Variants in THADA observed in about 807,000 individuals in gnomAD.
THADA encodes the protein tRNA (32-2'-O)-methyltransferase regulator THADA.
THADA carries 213 observed loss-of-function variants against 219.8 expected under a neutral mutation model. The ratio of observed to expected loss-of-function variants is 0.97; its 90% CI spans 0.87 to 1.09. The LOEUF (loss-of-function observed/expected upper bound fraction) is 1.09, where lower values mean the gene tolerates loss of function less well. THADA is among the 50% of genes least tolerant of loss of function. The pLI, the probability that THADA is intolerant of heterozygous loss-of-function variation, is 0.00. For missense variants in THADA, 2,956 were observed against 2,311.3 expected (o/e 1.28, Z -5.72); for synonymous variants, 1,018 against 828.9 (o/e 1.23, Z -3.92).
chr2:43,562,647 C>G (rs6738189), intron 15 of THADA: 52,699 of 152,014 alleles, frequency 0.35, 9,468 homozygotes, highest in African/African-American at 0.42. Flanking sequence ...GAAAGAGTCT[C>G]AGAAGGACTG....
At chr2:43,258,250 C>A (rs1443792128) in intron 36 of THADA, among the ~76,000 whole-genome samples, 1 of 152,156 alleles carries the variant, frequency 6.6e-6, no homozygotes, top group Admixed American at 6.5e-5. Context: ...TGGCCAGGTG[C>A]GGTGGCTCAT....
chr2:43,273,969 C>T (rs1672431076), intron 36 of THADA, among the ~76,000 whole-genome samples: 1 of 152,108 alleles, frequency 6.6e-6, no homozygotes, highest in Non-Finnish European at 1.5e-5. Flanking sequence ...GACTCAACCT[C>T]ACAATGCCAC....
chr2:43,292,030 T>G, intron 33 of THADA, 74 bp downstream of exon 33: 1 of 1,033,184 alleles, frequency 9.7e-7, no homozygotes, highest in Non-Finnish European at 1.4e-6. Context: ...CAGGATTGTG[T>G]GCAAGTTCAT....
intron 20 of THADA, among the ~76,000 whole-genome samples, chr2:43,541,571 T>C (rs1558938656): frequency 1.3e-5 from 2 of 152,040 alleles, no homozygotes; most frequent in Admixed American, 6.6e-5. Flanking sequence ...TGCAGTAGCA[T>C]GCTCATGGCT....
chr2:43,466,252 T>C (rs990741176), intron 26 of THADA, among the ~76,000 whole-genome samples: 2 of 152,220 alleles, frequency 1.3e-5, no homozygotes, highest in Non-Finnish European at 2.9e-5. Flanking sequence ...TCATAATGCA[T>C]AGCAGCATAT....
chr2:43,236,213 T>C (rs1204760114), intron 36 of THADA, among the ~76,000 whole-genome samples: 1 of 152,184 alleles, frequency 6.6e-6, no homozygotes, highest in African/African-American at 2.4e-5. Flanking sequence ...GAAGTGGGTC[T>C]AGATAGAACT....
chr2:43,339,962 TA>T (rs1001451935), intron 30 of THADA, among the ~76,000 whole-genome samples: 30 of 149,350 alleles, frequency 2.0e-4, no homozygotes, highest in Middle Eastern at 3.4e-3. Context: ...ATAAAAAACT[TA>T]AAAAAAAAAG....
chr2:43,549,557 A>G (rs1410008216), intron 19 of THADA, among the ~76,000 whole-genome samples, 189 bp from the exon 20 acceptor site: 1 of 152,230 alleles, frequency 6.6e-6, no homozygotes, highest in East Asian at 1.9e-4. Context: ...GCATTTTTAA[A>G]ATATGGCAAT....
Position 43,318,049 on chromosome 2 carries a change from A to T in THADA, c.4438+2397T>A, listed in dbSNP as rs561900168. Among the ~76,000 whole-genome samples the T allele has an allele frequency of 1.2e-3, 179 of 151,064 alleles. 1 individual carries two copies. Among genetic ancestry groups the T allele is most frequent in the Middle Eastern group, 3.4e-3 (1 of 294 alleles). The stretch of plus-strand genomic sequence containing the variant: ...GCCATATTTTATTTTATTTTATTTT[A>T]TTTTTTTTGAGACAGGGTATCGCTC... On this transcript the variant is annotated intron_variant, in intron 31 of 37. Transcript: ENST00000405975.
chr2:43,453,545 A>C (rs1326404721), intron 26 of THADA, among the ~76,000 whole-genome samples: 1 of 152,210 alleles, frequency 6.6e-6, no homozygotes, highest in Non-Finnish European at 1.5e-5. Context: ...TGGCAGCAGT[A>C]AGTAGGTTGG....
intron 30 of THADA, among the ~76,000 whole-genome samples, chr2:43,339,937 A>T (rs1666891366): frequency 6.6e-6 from 1 of 152,056 alleles, no homozygotes; most frequent in South Asian, 2.1e-4. Context: ...CTAAAACTAA[A>T]AAATAAATAA....
intron 31 of THADA, among the ~76,000 whole-genome samples, chr2:43,306,244 T>G (rs1676848759): frequency 6.6e-6 from 1 of 152,122 alleles, no homozygotes; most frequent in Admixed American, 6.6e-5. Flanking sequence ...ACTCCTGGGC[T>G]CAAGCAATTT....
At chr2:43,485,176 G>C in intron 26 of THADA, 58 bp downstream of exon 26, 1 of 1,359,594 alleles carries the variant, frequency 7.4e-7, no homozygotes, top group South Asian at 1.2e-5. Context: ...ATTTGTTTTT[G>C]GCCAGGACAA....
At chr2:43,583,852 G>C (rs770169444) in intron 7 of THADA, among the ~76,000 whole-genome samples, 2 of 152,002 alleles carry the variant, frequency 1.3e-5, no homozygotes, top group African/African-American at 4.8e-5. Context: ...AAACCAGCCA[G>C]GGCAACACGG....
intron 28 of THADA, among the ~76,000 whole-genome samples, chr2:43,416,512 C>G (rs186974384): frequency 6.6e-6 from 1 of 152,094 alleles, no homozygotes; most frequent in Non-Finnish European, 1.5e-5. Context: ...TGTGATTATT[C>G]AGACTGAGGC....
intron 36 of THADA, among the ~76,000 whole-genome samples, chr2:43,276,832 G>T (rs773803742): frequency 1.3e-5 from 2 of 152,094 alleles, no homozygotes; most frequent in Non-Finnish European, 2.9e-5. Context: ...GAATGCCACA[G>T]TCTGACTTCT....
chr2:43,260,492 C>A (rs1670813979), intron 36 of THADA, among the ~76,000 whole-genome samples: 1 of 152,100 alleles, frequency 6.6e-6, no homozygotes, highest in African/African-American at 2.4e-5. Flanking sequence ...TGAAGTCCCA[C>A]CTACTTGGGA....
chr2:43,481,576 T>C (rs897372404), intron 26 of THADA, among the ~76,000 whole-genome samples: 2 of 152,246 alleles, frequency 1.3e-5, no homozygotes, highest in African/African-American at 4.8e-5. Flanking sequence ...ATTTCTAATG[T>C]GTTCATCACT....
intron 36 of THADA, among the ~76,000 whole-genome samples, chr2:43,238,118 CAAAAAAAAAAAAAAAAAAAAA>C (rs59802310): frequency 0.011 from 303 of 28,308 alleles, 11 homozygotes; most frequent in African/African-American, 0.036. Context: ...GATTCCATCT[CAAAAAAAAAAAAAAAAAAAAA>C]AAAAAAAAAA....
Sources: allele counts gnomAD v4.1 joint callset (sites outside exome capture counted in the v4.1 genomes callset), GRCh38; gene constraint gnomAD v4.1.1; transcripts MANE v1.5; gene names NCBI Gene and HGNC (gene_info 2026-07-23, HGNC 2026-07-21).